The following ARHGAP42 variants were observed in gnomAD, a reference collection of about 807,000 sequenced individuals.
ARHGAP42 encodes the protein Rho GTPase activating protein 42.
Under a neutral mutation model 125.0 loss-of-function variants are expected in ARHGAP42, and 63 were observed. The observed-to-expected ratio is 0.50, with a 90% CI of 0.41 to 0.62. ARHGAP42 has a LOEUF of 0.62. Among genes scored for constraint, ARHGAP42 ranks in the 20% least tolerant of loss-of-function variants. The pLI is 0.00. For missense variants in ARHGAP42, 766 were observed against 1,024.2 expected, an observed-to-expected ratio of 0.75 and a Z score of 3.44; for synonymous variants, 339 against 351.0, an observed-to-expected ratio of 0.97 and a Z score of 0.38.
chr11:100,896,013 C>T (rs1180706709), intron 4 of ARHGAP42, among the ~76,000 whole-genome samples: 2 of 152,066 alleles, frequency 1.3e-5, no homozygotes, highest in Non-Finnish European at 2.9e-5. Context: ...CCCTGAAAGG[C>T]CCTGGTGTGT....
chr11:100,750,392 T>C (rs1192503943), intron 1 of ARHGAP42, among the ~76,000 whole-genome samples: 1 of 147,966 alleles, frequency 6.8e-6, no homozygotes, highest in Non-Finnish European at 1.5e-5. Flanking sequence ...TTAAAGAGAG[T>C]GACGGGGTGA....
intron 3 of ARHGAP42, among the ~76,000 whole-genome samples, chr11:100,805,106 G>C (rs1026749397): frequency 3.3e-5 from 5 of 152,208 alleles, no homozygotes; most frequent in African/African-American, 1.2e-4. Context: ...GCAGTCTTCA[G>C]AAGTGTATGC....
intron 2 of ARHGAP42, among the ~76,000 whole-genome samples, chr11:100,790,597 G>A (rs890616321): frequency 1.2e-4 from 19 of 152,078 alleles, no homozygotes; most frequent in Non-Finnish European, 2.6e-4. Context: ...CAAAGTGTCC[G>A]GCCTATCTTT....
chr11:100,929,876 G>A (rs1867527357), intron 6 of ARHGAP42, among the ~76,000 whole-genome samples: 1 of 152,114 alleles, frequency 6.6e-6, no homozygotes, highest in South Asian at 2.1e-4. Flanking sequence ...TTTCATGACA[G>A]TGTACATGAA....
intron 3 of ARHGAP42, among the ~76,000 whole-genome samples, chr11:100,847,062 C>G (rs533613043): frequency 6.6e-6 from 1 of 152,204 alleles, no homozygotes; most frequent in Admixed American, 6.5e-5. Flanking sequence ...TGGGATGGAA[C>G]AGAAGAACCA....
intron 4 of ARHGAP42, among the ~76,000 whole-genome samples, chr11:100,866,100 T>C (rs1354080816): frequency 6.6e-6 from 1 of 152,220 alleles, no homozygotes; most frequent in Non-Finnish European, 1.5e-5. Context: ...AATCCTTTGT[T>C]GTCATTTCAA....
chr11:100,913,694 T>A, intron 5 of ARHGAP42, 141 bp downstream of exon 5: 1 of 353,828 alleles, frequency 2.8e-6, no homozygotes, highest in South Asian at 2.5e-5. Context: ...GAGCACTTAC[T>A]ATGGGCGATA....
At chr11:100,973,867 A>C (rs1858319171) in intron 18 of ARHGAP42, among the ~76,000 whole-genome samples, 1 of 152,200 alleles carries the variant, frequency 6.6e-6, no homozygotes, top group Non-Finnish European at 1.5e-5. Context: ...TAATCCTTTT[A>C]TCTCTGATCT....
intron 3 of ARHGAP42, among the ~76,000 whole-genome samples, chr11:100,855,024 T>C (rs994337308): frequency 6.6e-6 from 1 of 152,182 alleles, no homozygotes; most frequent in Non-Finnish European, 1.5e-5. Context: ...TTCCACTTTG[T>C]ATTGATTGTT....
chr11:100,901,656 T>TG (rs1248506659), intron 4 of ARHGAP42, among the ~76,000 whole-genome samples: 2 of 152,202 alleles, frequency 1.3e-5, no homozygotes, highest in African/African-American at 4.8e-5. Context: ...GCCACCTCAC[T>TG]GTTTGATCTC....
chr11:100,948,149 C>T (rs1363653269), intron 10 of ARHGAP42, among the ~76,000 whole-genome samples: 1 of 152,000 alleles, frequency 6.6e-6, no homozygotes, highest in African/African-American at 2.4e-5. Context: ...ACTTTTTCAT[C>T]CTTTTTGATC....
chr11:100,852,625 A>G (rs1865230285), intron 3 of ARHGAP42, among the ~76,000 whole-genome samples: 1 of 152,178 alleles, frequency 6.6e-6, no homozygotes. Flanking sequence ...ACATGTAAAA[A>G]GAAATATTTT....
chr11:100,713,664 C>T (rs1291729120), intron 1 of ARHGAP42, among the ~76,000 whole-genome samples: 7 of 151,996 alleles, frequency 4.6e-5, no homozygotes, highest in Non-Finnish European at 1.0e-4. Flanking sequence ...TTAATTTCTG[C>T]TAAAAAATAC....
At chr11:100,834,794 A>G (rs1476182337) in intron 3 of ARHGAP42, among the ~76,000 whole-genome samples, 1 of 151,362 alleles carries the variant, frequency 6.6e-6, no homozygotes, top group Non-Finnish European at 1.5e-5. Context: ...ATGAGGCCAT[A>G]ATCCATTATG....
chr11:100,696,049 C>A (rs968604347), intron 1 of ARHGAP42, among the ~76,000 whole-genome samples: 14 of 152,182 alleles, frequency 9.2e-5, no homozygotes, highest in African/African-American at 3.4e-4. Flanking sequence ...CATGACGAAA[C>A]CCCATCTCTA....
chr11:100,985,345 GA>G (rs1858647309), intron 22 of ARHGAP42, among the ~76,000 whole-genome samples: 1 of 152,076 alleles, frequency 6.6e-6, no homozygotes, highest in African/African-American at 2.4e-5. Context: ...GTTGCTATTA[GA>G]AAATGTGATT....
At chr11:100,889,343 A>G (rs1302289394) in intron 4 of ARHGAP42, among the ~76,000 whole-genome samples, 1 of 152,158 alleles carries the variant, frequency 6.6e-6, no homozygotes, top group East Asian at 1.9e-4. Flanking sequence ...CCATAATGAA[A>G]GGGCTTAATT....
At chr11:100,834,594 G>T (rs1864737394) in intron 3 of ARHGAP42, among the ~76,000 whole-genome samples, 1 of 152,092 alleles carries the variant, frequency 6.6e-6, no homozygotes, top group African/African-American at 2.4e-5. Context: ...AATCCTAAAG[G>T]CAAAGGTAAT....
intron 3 of ARHGAP42, among the ~76,000 whole-genome samples, chr11:100,853,955 A>G (rs1189270467): frequency 6.6e-6 from 1 of 152,104 alleles, no homozygotes. Context: ...CCTACTCAAA[A>G]GAAAGAATTT....
Sources: allele counts gnomAD v4.1 joint callset (sites outside exome capture counted in the v4.1 genomes callset), GRCh38; gene constraint gnomAD v4.1.1; transcripts MANE v1.5; gene names NCBI Gene and HGNC (gene_info 2026-07-23, HGNC 2026-07-21).